Variants in PPP2R2C observed in about 807,000 individuals in gnomAD.
PPP2R2C encodes the protein protein phosphatase 2, regulatory subunit B, gamma.
PPP2R2C carries 10 observed loss-of-function variants against 45.3 expected under a neutral mutation model. The observed-to-expected ratio is 0.22, with a 90% CI of 0.14 to 0.37. The LOEUF (loss-of-function observed/expected upper bound fraction) is 0.37, where lower values mean the gene tolerates loss of function less well. PPP2R2C is among the 10% of genes least tolerant of loss of function. PPP2R2C has a pLI of 1.00. For missense variants in PPP2R2C, 308 were observed against 619.7 expected (o/e 0.50, Z 5.34); for synonymous variants, 257 against 245.4 (o/e 1.05, Z -0.44).
intron 1 of PPP2R2C, among the ~76,000 whole-genome samples, chr4:6,458,084 C>T (rs1178009719): frequency 6.6e-6 from 1 of 152,200 alleles, no homozygotes; most frequent in Non-Finnish European, 1.5e-5. Context: ...CTTCAGCTTC[C>T]CAAGATCATG....
chr4:6,446,784 G>A (rs16838849), intron 1 of PPP2R2C, among the ~76,000 whole-genome samples: 4,412 of 152,064 alleles, frequency 0.029, 205 homozygotes, highest in African/African-American at 0.1. Context: ...CATGGCAGGC[G>A]CTGCTGTTAC....
intron 2 of PPP2R2C, among the ~76,000 whole-genome samples, chr4:6,529,015 A>G (rs10017523): frequency 0.13 from 20,515 of 152,218 alleles, 1,905 homozygotes; most frequent in African/African-American, 0.25. Flanking sequence ...ACGCGCACTA[A>G]ACTTACTTTA....
chr4:6,336,247 T>A (rs1732836842), intron 6 of PPP2R2C, among the ~76,000 whole-genome samples: 1 of 150,626 alleles, frequency 6.6e-6, no homozygotes, highest in Non-Finnish European at 1.5e-5. Context: ...GCGACCTCAA[T>A]CTCCCTCCAT....
rs149679599 is a variant in PPP2R2C at position 6,508,661 on chromosome 4, G to A, written c.49+26610C>T. Among the ~76,000 whole-genome samples, 123 of 152,300 alleles carry A rather than the reference G, an allele frequency of 8.1e-4. 1 individual carries two copies. Among genetic ancestry groups the A allele is most frequent in the African/African-American group, 2.9e-3 (120 of 41,584 alleles). On this transcript the variant is annotated intron_variant, in intron 2 of 9. Coordinates refer to the PPP2R2C transcript ENST00000506140. ...CCAGCAGCTTCCTGACAGGATCTGA[G>A]TTGGGCGAGTGGGCTCAAACATGCA...
chr4:6,367,541 G>A (rs1371119627), intron 5 of PPP2R2C, among the ~76,000 whole-genome samples: 1 of 152,138 alleles, frequency 6.6e-6, no homozygotes, highest in African/African-American at 2.4e-5. Context: ...TGCTTAGAAG[G>A]TATCTCAAAC....
intron 2 of PPP2R2C, among the ~76,000 whole-genome samples, chr4:6,502,862 T>C (rs1723103390): frequency 6.6e-6 from 1 of 152,096 alleles, no homozygotes; most frequent in Non-Finnish European, 1.5e-5. Flanking sequence ...GGATGCCTCT[T>C]TCTCTCACAC....
rs555772463 is a variant in PPP2R2C at position 6,392,729 on chromosome 4, T to C, written c.71-11635A>G. On this transcript the variant is annotated intron_variant, in intron 1 of 8. Transcript: ENST00000382599. ...AGAGGCCTGAGCATTTTATTCTGCA[T>C]GAGCTGGGAAGCCACGGTCTGACTT... Among the ~76,000 whole-genome samples, 8 of 152,328 alleles carry C rather than the reference T, an allele frequency of 5.3e-5. No individual in the cohort carries two copies. The East Asian group carries it at 7.7e-4, about 15-fold the overall frequency.
At chr4:6,505,728 G>A (rs1723204888) in intron 2 of PPP2R2C, among the ~76,000 whole-genome samples, 1 of 152,214 alleles carries the variant, frequency 6.6e-6, no homozygotes, top group African/African-American at 2.4e-5. Flanking sequence ...CACTTTGGGA[G>A]GCCAAGGTGG....
chr4:6,408,755 T>C (rs1717966372), intron 1 of PPP2R2C, among the ~76,000 whole-genome samples: 3 of 151,622 alleles, frequency 2.0e-5, no homozygotes, highest in Non-Finnish European at 2.9e-5. Context: ...CCTGAGAAAC[T>C]CCAAGGGCGG....
chr4:6,552,737 G>A (rs1725225055), intron 1 of PPP2R2C, among the ~76,000 whole-genome samples: 1 of 152,166 alleles, frequency 6.6e-6, no homozygotes, highest in Admixed American at 6.5e-5. Context: ...TCACAGGTCT[G>A]GGGATTAGAA....
At chr4:6,512,264 TGGTGATGGTGGG>T (rs1723627300) in intron 2 of PPP2R2C, among the ~76,000 whole-genome samples, 1 of 105,916 alleles carries the variant, frequency 9.4e-6, no homozygotes, top group Non-Finnish European at 2.1e-5. Context: ...ATGGTGGTGG[TGGTGATGGTGGG>T]GGTGGTGGTG....
chr4:6,371,433 G>T (rs759453860), intron 5 of PPP2R2C, among the ~76,000 whole-genome samples: 1 of 152,170 alleles, frequency 6.6e-6, no homozygotes, highest in Non-Finnish European at 1.5e-5. Context: ...CTACTGCTCC[G>T]AGGGACACAG....
At chr4:6,500,929 G>A (rs34907862) in intron 2 of PPP2R2C, among the ~76,000 whole-genome samples, 17,598 of 152,220 alleles carry the variant, frequency 0.12, 1,167 homozygotes, top group Middle Eastern at 0.16. Flanking sequence ...GCCGTCGCAC[G>A]GCACACATCC....
intron 5 of PPP2R2C, chr4:6,349,946 T>C (rs1712388231): frequency 1.0e-6 from 1 of 985,038 alleles, no homozygotes; most frequent in Admixed American, 6.2e-5. Context: ...GTTTATAAAA[T>C]GCCAGGGAAA....
chr4:6,374,704 T>C lies in PPP2R2C; in HGVS notation c.447+1115A>G, dbSNP rs114284682. ...GCGCCAGTGTGATGGCGATTCCATG[T>C]CTGTTTCCTTGGGGGCTGGGGACAC... On this transcript the variant is annotated intron_variant, in intron 4 of 8. Transcript: ENST00000382599. Among the ~76,000 whole-genome samples the C allele has an allele frequency of 6.2e-3, 943 of 152,336 alleles. 5 individuals carry two copies. Among genetic ancestry groups the C allele is most frequent in the Non-Finnish European group, 9.6e-3 (655 of 68,024 alleles).
At chr4:6,339,795 C>T (rs1181866392) in intron 6 of PPP2R2C, among the ~76,000 whole-genome samples, 1 of 152,194 alleles carries the variant, frequency 6.6e-6, no homozygotes, top group Non-Finnish European at 1.5e-5. Context: ...CTACCCTGGC[C>T]ACGGGTCCCT....
At chr4:6,440,196 G>A (rs902035221) in intron 1 of PPP2R2C, among the ~76,000 whole-genome samples, 2 of 152,214 alleles carry the variant, frequency 1.3e-5, no homozygotes, top group African/African-American at 4.8e-5. Context: ...CCCAAGGCCT[G>A]GCATGGAATC....
Position 6,375,842 on chromosome 4 carries a change from G to A in PPP2R2C, c.424C>T (p.Leu142=), listed in dbSNP as rs139419142. ...LKDEEGKLKD[L]STVTSLQVPV... is the part of the protein sequence containing the mutation. ...ACCTGCAGTGACGTCACCGTGGACA[G>A]GTCCTTAAGTTTCCCCTCTTCATCC... Residue 142 remains leucine (L), a synonymous_variant, in exon 4 of 9, where the codon CTG becomes TTG. Transcript: ENST00000382599. 6.2e-7 allele frequency: 1 copy of A among 1,613,998 alleles called. No homozygotes were observed. The highest frequency in any genetic ancestry group is 2.2e-5 in the East Asian group (1 of 44,868).
intron 2 of PPP2R2C, among the ~76,000 whole-genome samples, chr4:6,495,723 G>A (rs1722860918): frequency 6.6e-6 from 1 of 152,246 alleles, no homozygotes; most frequent in Non-Finnish European, 1.5e-5. Context: ...CTTTGAAACA[G>A]AACTGCTGCC....
Sources: gnomAD v4.1 joint callset for allele counts (sites outside exome capture counted in the v4.1 genomes callset) on GRCh38, gnomAD v4.1.1 for gene constraint, MANE v1.5 for transcripts, NCBI Gene and HGNC (gene_info 2026-07-23, HGNC 2026-07-21) for gene names.